The following SLC5A4 variants were observed in gnomAD, a reference collection of about 807,000 sequenced individuals.
SLC5A4 encodes the protein solute carrier family 5 member 4.
In SLC5A4, 55 loss-of-function variants were observed where a neutral mutation model predicts 70.3. That is an observed-to-expected ratio of 0.78 (90% CI 0.63 to 0.98). SLC5A4 has a LOEUF of 0.98. Among genes scored for constraint, SLC5A4 ranks in the 50% least tolerant of loss-of-function variants. The pLI is 0.00. For synonymous variants in SLC5A4, 268 were observed against 305.7 expected, an observed-to-expected ratio of 0.88 and a Z score of 1.29; for missense variants, 735 against 839.2, an observed-to-expected ratio of 0.88 and a Z score of 1.53.
the SLC5A4 span, among the ~76,000 whole-genome samples, chr22:32,307,020 A>G: frequency 6.6e-6 from 1 of 152,132 alleles, no homozygotes; most frequent in South Asian, 2.1e-4. Context: ...GGAATCCTGC[A>G]TATTTGGGAG....
the SLC5A4 span, among the ~76,000 whole-genome samples, chr22:32,344,797 T>C: frequency 2.6e-5 from 4 of 152,180 alleles, no homozygotes; most frequent in African/African-American, 7.2e-5. Context: ...TTGAGATTCA[T>C]ACAGCTTCTC....
At chr22:32,251,149 CAAAAAAAAAAA>C (rs1169115054) in intron 3 of SLC5A4, among the ~76,000 whole-genome samples, 5 of 22,768 alleles carry the variant, frequency 2.2e-4, no homozygotes, top group Admixed American at 7.0e-4. Context: ...AACAAATAAG[CAAAAAAAAAAA>C]AAAAAAAAAA....
At chr22:32,334,299 G>A in the SLC5A4 span, among the ~76,000 whole-genome samples, 16 of 152,170 alleles carry the variant, frequency 1.1e-4, no homozygotes, top group Non-Finnish European at 1.8e-4. Context: ...AACAATGCAC[G>A]ACCCTGTGCC....
chr22:32,354,019 G>C, the SLC5A4 span, among the ~76,000 whole-genome samples: 1 of 148,914 alleles, frequency 6.7e-6, no homozygotes, highest in Non-Finnish European at 1.5e-5. Flanking sequence ...CCCCCTGCGC[G>C]GGCAAGGTAG....
At chr22:32,354,278 C>T in the SLC5A4 span, among the ~76,000 whole-genome samples, 1 of 147,714 alleles carries the variant, frequency 6.8e-6, no homozygotes, top group South Asian at 2.1e-4. Context: ...CCCCAGAAAG[C>T]GCCCTCAACA....
the SLC5A4 span, among the ~76,000 whole-genome samples, chr22:32,281,200 GT>G: frequency 6.6e-6 from 1 of 152,224 alleles, no homozygotes; most frequent in Non-Finnish European, 1.5e-5. Flanking sequence ...CGCACTGGGG[GT>G]TTGGCTTGAA....
the SLC5A4 span, among the ~76,000 whole-genome samples, chr22:32,338,974 A>C: frequency 6.6e-6 from 1 of 152,214 alleles, no homozygotes; most frequent in Non-Finnish European, 1.5e-5. Flanking sequence ...ATTACTAAAA[A>C]GATTACATGC....
the SLC5A4 span, among the ~76,000 whole-genome samples, chr22:32,291,206 C>CTTTT: frequency 4.7e-5 from 6 of 128,788 alleles, no homozygotes; most frequent in East Asian, 2.3e-4. Context: ...TTTGACTGTT[C>CTTTT]TTTTTTTTTT....
At chr22:32,284,951 T>C in the SLC5A4 span, 4 of 152,196 alleles carry the variant, frequency 2.6e-5, no homozygotes, top group Non-Finnish European at 5.9e-5. Flanking sequence ...TTGTTATATT[T>C]GTGTATTGGT....
chr22:32,239,554 AT>A (rs1926320040), intron 5 of SLC5A4, among the ~76,000 whole-genome samples: 1 of 16,854 alleles, frequency 5.9e-5, no homozygotes, highest in African/African-American at 4.5e-4. Context: ...ATATATATAT[AT>A]ATATATATAT....
the SLC5A4 span, among the ~76,000 whole-genome samples, chr22:32,275,421 T>C: frequency 2.6e-5 from 4 of 152,108 alleles, no homozygotes; most frequent in Non-Finnish European, 5.9e-5. Flanking sequence ...CCTGTGTCCA[T>C]GTGTTCTCAT....
intron 3 of SLC5A4, among the ~76,000 whole-genome samples, chr22:32,251,149 C>CAAAAAAAAAAAAAAAAAAAAA (rs1169115054): frequency 1.3e-4 from 3 of 22,768 alleles, no homozygotes; most frequent in African/African-American, 2.8e-4. Context: ...AACAAATAAG[C>CAAAAAAAAAAAAAAAAAAAAA]AAAAAAAAAA....
At chr22:32,267,591 G>A in the SLC5A4 span, among the ~76,000 whole-genome samples, 1 of 152,056 alleles carries the variant, frequency 6.6e-6, no homozygotes, top group Non-Finnish European at 1.5e-5. Flanking sequence ...CGATCCTCCC[G>A]ACTCAGCCTC....
At chr22:32,294,671 C>CTTTTTTTT in the SLC5A4 span, among the ~76,000 whole-genome samples, 11 of 148,794 alleles carry the variant, frequency 7.4e-5, no homozygotes, top group African/African-American at 2.2e-4. Flanking sequence ...TTGGCTTTTT[C>CTTTTTTTT]TTTTTATTAT....
chr22:32,306,194 G>C, the SLC5A4 span, among the ~76,000 whole-genome samples: 1 of 152,182 alleles, frequency 6.6e-6, no homozygotes, highest in Admixed American at 6.5e-5. Context: ...GGCCGGGCGC[G>C]GTGGCTCACG....
the SLC5A4 span, among the ~76,000 whole-genome samples, chr22:32,335,755 C>CA: frequency 6.6e-6 from 1 of 152,174 alleles, no homozygotes; most frequent in Admixed American, 6.5e-5. Flanking sequence ...CAGGGTGTGA[C>CA]AGACTCAATC....
rs557138598 is a variant in SLC5A4 at position 32,229,866 on chromosome 22, C to T, written c.1130-522G>A. ...GATTAAAGCAAAAAGAATTTTAGTC[C>T]TAAACATGAACTTAGAGATCATCTA... On this transcript the variant is annotated intron_variant, in intron 10 of 14. Coordinates refer to ENST00000266086, the MANE Select transcript of SLC5A4 (RefSeq NM_014227.3). Among the ~76,000 whole-genome samples, 314 of 152,190 alleles carry T rather than the reference C, an allele frequency of 2.1e-3. 1 individual carries two copies. Among genetic ancestry groups the T allele is most frequent in the Non-Finnish European group, 3.7e-3 (249 of 67,996 alleles).
chr22:32,247,599 T>G (rs1326106789), intron 4 of SLC5A4, 84 bp from the exon 5 acceptor site: 1 of 859,546 alleles, frequency 1.2e-6, no homozygotes, highest in Admixed American at 1.9e-5. Flanking sequence ...TAAGCACCTG[T>G]GAGTGAAAGT....
At chr22:32,231,448 C>T (rs1008951643) in intron 9 of SLC5A4, among the ~76,000 whole-genome samples, 5 of 152,228 alleles carry the variant, frequency 3.3e-5, no homozygotes, top group Admixed American at 6.5e-5. Flanking sequence ...GTCCTGTGTG[C>T]AGTCACATTT....
Sources: allele counts gnomAD v4.1 joint callset (sites outside exome capture counted in the v4.1 genomes callset), GRCh38; gene constraint gnomAD v4.1.1; transcripts MANE v1.5; gene names NCBI Gene and HGNC (gene_info 2026-07-23, HGNC 2026-07-21).